PLA2G6: variants seen among roughly 807,000 people sequenced by gnomAD.
PLA2G6 encodes phospholipase A2 group VI.
A neutral mutation model predicts 83.8 loss-of-function variants in PLA2G6; 62 were observed. The observed-to-expected ratio is 0.74, with a 90% confidence interval of 0.60 to 0.91. The LOEUF is 0.91. Ranked by LOEUF, PLA2G6 falls within the 40% of genes least tolerant of loss-of-function variation. The pLI, the probability that PLA2G6 is intolerant of heterozygous loss-of-function variation, is 0.00. For synonymous variants in PLA2G6, 417 were observed against 449.8 expected (o/e 0.93, Z 0.92); for missense variants, 944 against 1,102.0 (o/e 0.86, Z 2.03).
Position 38,116,075 on chromosome 22 carries a change from C to T in PLA2G6, c.1879G>A (p.Asp627Asn), listed in dbSNP as rs1569244242. ...TGGATGCATCAAACATGGTTTAAAC[C>T]TGAGGGCTGAGCTGGAGGCCTGAGG... The part of the protein sequence containing the change: ...VNLRPPAQPS[D>N]QLVWRAARSS... The change falls in exon 13 of 17, where the codon GAC becomes AAC. Residue 627 changes from aspartate (D) to asparagine (N), a missense_variant and splice_region_variant. Asp to Asn is a conservative substitution (Grantham distance 23). Coordinates refer to ENST00000332509, the MANE Select transcript of PLA2G6 (RefSeq NM_003560.4). 6.2e-7 allele frequency: 1 copy of T among 1,613,946 alleles called. No individual in the cohort carries two copies. The highest frequency in any genetic ancestry group is 8.5e-7 in the Non-Finnish European group (1 of 1,180,016).
chr22:38,178,944 AC>A (rs1317259390), intron 1 of PLA2G6, among the ~76,000 whole-genome samples: 1 of 152,208 alleles, frequency 6.6e-6, no homozygotes, highest in Admixed American at 6.5e-5. Context: ...AGACAGAGCT[AC>A]TAATAATAAA....
chr22:38,164,369 C>G (rs906237206), intron 2 of PLA2G6, among the ~76,000 whole-genome samples: 1 of 152,204 alleles, frequency 6.6e-6, no homozygotes, highest in African/African-American at 2.4e-5. Flanking sequence ...GCTGTGTGAT[C>G]TCAAATTCTG....
intron 1 of PLA2G6, among the ~76,000 whole-genome samples, chr22:38,174,266 C>T (rs551404536): frequency 4.3e-4 from 65 of 151,364 alleles, no homozygotes; most frequent in African/African-American, 1.5e-3. Context: ...GGCGTGGTGG[C>T]GGGTGCCTGT....
chr22:38,140,770 G>T (rs1267228179), intron 4 of PLA2G6: 6 of 156,584 alleles, frequency 3.8e-5, no homozygotes, highest in African/African-American at 1.2e-4. Flanking sequence ...AGAGCCAGGG[G>T]CCAGGCGCAG....
At chr22:38,143,324 G>A (rs1466072278) in intron 3 of PLA2G6, 36 bp from the exon 4 acceptor site, 1 of 1,601,528 alleles carries the variant, frequency 6.2e-7, no homozygotes. Flanking sequence ...GAGGTGAGCA[G>A]GTGTGGTACA....
chr22:38,145,625 C>G lies in PLA2G6; in HGVS notation c.238G>C (p.Ala80Pro). The change falls in exon 3 of 17, where the codon GCC becomes CCC. Residue 80 changes from alanine (A) to proline (P), a missense_variant. Coordinates refer to ENST00000332509, the MANE Select transcript of PLA2G6 (RefSeq NM_003560.4). ...RLFQLELEADALVNFHQYSSQ... is the reference protein window; with the variant it reads ...RLFQLELEADPLVNFHQYSSQ... ...GAATACTGATGGAAATTCACTAGGGCGTCAGCCTCCAACTCCAGCTGGAAG... is the reference window on the plus strand; with the variant it reads ...GAATACTGATGGAAATTCACTAGGGGGTCAGCCTCCAACTCCAGCTGGAAG... The G allele has an allele frequency of 1.2e-6, 2 of 1,613,066 alleles. No homozygotes were observed. The highest frequency in any genetic ancestry group is 1.3e-5 in the African/African-American group (1 of 74,972).
chr22:38,162,604 C>T (rs1239768554), intron 2 of PLA2G6, among the ~76,000 whole-genome samples: 3 of 152,120 alleles, frequency 2.0e-5, no homozygotes, highest in Admixed American at 6.5e-5. Context: ...TAAAGGCCAG[C>T]GCGTGGTCAT....
In PLA2G6 at chr22:38,139,950, G is replaced by A. The variant is rs759305967; in HGVS notation, c.797+32C>T. ...GTGACAGGAGAGCTGGAGCCCAGCA[G>A]GCCAGCAGATGGGGAGGGGAGGAGG... On this transcript the variant is annotated intron_variant, in intron 5 of 16. Transcript: ENST00000332509. The A allele has an allele frequency of 4.6e-6, 7 of 1,530,936 alleles. No homozygotes were observed. In the East Asian group the frequency reaches 9.6e-5, roughly 21 times the overall value. The allele number at this position is 1,530,936 out of a possible 1,614,324, so 94.8% of individuals were successfully genotyped here. A position where few individuals can be genotyped will look rare whatever the true frequency, so the allele number is the denominator to read the frequency against.
intron 7 of PLA2G6, 71 bp from the exon 8 acceptor site, chr22:38,129,633 C>T: frequency 9.0e-7 from 1 of 1,116,576 alleles, no homozygotes; most frequent in South Asian, 1.2e-5. Context: ...CCCCTGGCTG[C>T]CAGCCCCAAC....
At chr22:38,120,309 G>A (rs1414485570) in intron 12 of PLA2G6, among the ~76,000 whole-genome samples, 1 of 152,254 alleles carries the variant, frequency 6.6e-6, no homozygotes, top group Non-Finnish European at 1.5e-5. Flanking sequence ...TCCTGGGAGC[G>A]AGTGCTGTCT....
chr22:38,153,336 C>T (rs904010747), intron 2 of PLA2G6, among the ~76,000 whole-genome samples: 2 of 152,152 alleles, frequency 1.3e-5, no homozygotes, highest in Non-Finnish European at 2.9e-5. Flanking sequence ...CGCCTCTGCC[C>T]GGCCCCCGCC....
Position 38,178,363 on chromosome 22 carries a change from G to A in PLA2G6, c.-46+3301C>T, listed in dbSNP as rs555354012. On this transcript the variant is annotated intron_variant, in intron 1 of 16. Coordinates refer to ENST00000332509, the MANE Select transcript of PLA2G6 (RefSeq NM_003560.4). The stretch of plus-strand genomic sequence containing the variant: ...AGGAAGGAGGATCACTTAAGCTCAG[G>A]ACTTTGAGACCAGCCTGGGTAATAT... Among the ~76,000 whole-genome samples, 5 of 152,182 alleles carry A rather than the reference G, an allele frequency of 3.3e-5. No homozygotes were observed. The East Asian group carries it at 7.7e-4, about 24-fold the overall frequency.
intron 2 of PLA2G6, among the ~76,000 whole-genome samples, chr22:38,157,909 G>A (rs1035905295): frequency 4.6e-5 from 7 of 151,738 alleles, no homozygotes; most frequent in Non-Finnish European, 7.4e-5. Context: ...GGTGGTGGGC[G>A]CCTGTAATTC....
intron 2 of PLA2G6, among the ~76,000 whole-genome samples, chr22:38,160,549 GA>G (rs1439814693): frequency 6.6e-6 from 1 of 152,206 alleles, no homozygotes; most frequent in Non-Finnish European, 1.5e-5. Flanking sequence ...AAGCCAGATA[GA>G]AAAGCCTTTA....
rs375874092 is a variant in PLA2G6 at position 38,126,384 on chromosome 22, C to T, written c.1414G>A (p.Asp472Asn). 46 of 1,613,236 alleles carry T rather than the reference C, an allele frequency of 2.9e-5. No homozygotes were observed. The highest frequency in any genetic ancestry group is 3.5e-5 in the Non-Finnish European group (41 of 1,179,552). Residue 472 changes from aspartate to asparagine, a missense_variant, in exon 10 of 17, where the codon GAC (aspartate) becomes AAC (asparagine). By Grantham distance (23) the Asp-to-Asn change is conservative. Coordinates refer to ENST00000332509, the MANE Select transcript of PLA2G6 (RefSeq NM_003560.4). ...CGATCCACTTACGTCCGCTTCTCGT[C>T]CCTCATGGAGCCCAGGATGAACGCT... is the stretch of plus-strand genomic sequence containing the variant. ...KPAFILGSMR[D>N]EKRTHDHLLC...
At chr22:38,147,373 A>G (rs2089317562) in intron 2 of PLA2G6, 1 of 169,382 alleles carries the variant, frequency 5.9e-6, no homozygotes, top group African/African-American at 2.4e-5. Context: ...GCAGCCAGCC[A>G]GAGTCTAGTG....
rs1210311844 is a variant in PLA2G6, at chr22:38,152,125, C to A, written c.210-6472G>T. ...AGGTGTTTGGGTCATAGGGGTGGAT[C>A]CCTCATGAATGAATGCCCTCCCTGT... is the stretch of plus-strand genomic sequence containing the variant. On this transcript the variant is annotated intron_variant, in intron 2 of 16. Transcript: ENST00000332509. 5.3e-5 allele frequency among the ~76,000 whole-genome samples: 8 copies of A among 152,024 alleles called. No homozygotes were observed. In the East Asian group the frequency reaches 1.3e-3, roughly 26 times the overall value.
At chr22:38,155,439 G>A (rs149646744) in intron 2 of PLA2G6, among the ~76,000 whole-genome samples, 1 of 152,110 alleles carries the variant, frequency 6.6e-6, no homozygotes, top group Non-Finnish European at 1.5e-5. Flanking sequence ...CTCATATCTT[G>A]AGTAGAAAGA....
chr22:38,158,167 T>A (rs2089864713), intron 2 of PLA2G6, among the ~76,000 whole-genome samples: 1 of 151,382 alleles, frequency 6.6e-6, no homozygotes, highest in South Asian at 2.1e-4. Context: ...TTCTTTTTCT[T>A]TTCTTTTTTT....
Sources: allele counts gnomAD v4.1 joint callset (sites outside exome capture counted in the v4.1 genomes callset), GRCh38; gene constraint gnomAD v4.1.1; transcripts MANE v1.5; gene names NCBI Gene and HGNC (gene_info 2026-07-23, HGNC 2026-07-21).